The following ATR variants were observed in gnomAD, a reference collection of about 807,000 sequenced individuals.
ATR encodes the protein serine/threonine-protein kinase ATR.
In ATR, 142 loss-of-function variants were observed where a neutral mutation model predicts 305.3. The observed-to-expected ratio is 0.47, with a 90% CI of 0.41 to 0.53. ATR has a LOEUF of 0.53. ATR is among the 20% of genes least tolerant of loss of function. ATR has a pLI of 0.00. For synonymous variants in ATR, 1,050 were observed against 1,068.1 expected, an observed-to-expected ratio of 0.98 and a Z score of 0.33; for missense variants, 2,135 against 3,133.1, an observed-to-expected ratio of 0.68 and a Z score of 7.60.
intron 36 of ATR, among the ~76,000 whole-genome samples, chr3:142,477,549 TTC>T (rs1404593328): frequency 6.6e-6 from 1 of 152,192 alleles, no homozygotes; most frequent in Non-Finnish European, 1.5e-5. Flanking sequence ...TGGTTTAAAA[TTC>T]TCTTTTTTTG....
intron 46 of ATR, chr3:142,451,502 G>A: frequency 6.9e-7 from 1 of 1,448,234 alleles, no homozygotes; most frequent in South Asian, 1.2e-5. Context: ...ACACAGACTG[G>A]ACCCATAGAA....
intron 3 of ATR, among the ~76,000 whole-genome samples, chr3:142,563,940 G>A (rs930159679): frequency 9.2e-5 from 14 of 152,124 alleles, no homozygotes; most frequent in South Asian, 2.1e-4. Context: ...AGATCAAATC[G>A]TTAAAAGATG....
At chr3:142,545,137 G>C (rs2034217571) in intron 16 of ATR, among the ~76,000 whole-genome samples, 1 of 151,994 alleles carries the variant, frequency 6.6e-6, no homozygotes, top group African/African-American at 2.4e-5. Flanking sequence ...CCTATACTGG[G>C]TACAGGTGTA....
chr3:142,520,671 C>T (rs2033107942), intron 23 of ATR, among the ~76,000 whole-genome samples: 1 of 151,320 alleles, frequency 6.6e-6, no homozygotes, highest in Non-Finnish European at 1.5e-5. Context: ...GAATAAGTTG[C>T]AGAAAAAAAG....
At chr3:142,534,290 C>T (rs1000022835) in intron 21 of ATR, among the ~76,000 whole-genome samples, 2 of 152,202 alleles carry the variant, frequency 1.3e-5, no homozygotes, top group South Asian at 2.1e-4. Flanking sequence ...TTCAAGGCTC[C>T]TCCCCTCTGT....
intron 41 of ATR, among the ~76,000 whole-genome samples, chr3:142,463,254 G>T (rs567789575): frequency 6.6e-6 from 1 of 152,240 alleles, no homozygotes; most frequent in East Asian, 1.9e-4. Context: ...TAACAAAGCT[G>T]ATTAATGTAA....
At chr3:142,511,731 G>A (rs979903559) in intron 27 of ATR, among the ~76,000 whole-genome samples, 1 of 151,988 alleles carries the variant, frequency 6.6e-6, no homozygotes, top group African/African-American at 2.4e-5. Flanking sequence ...GTGCCTTGTC[G>A]AAGTGAGAGT....
At chr3:142,529,972 C>T (rs1407820545) in intron 21 of ATR, among the ~76,000 whole-genome samples, 1 of 151,996 alleles carries the variant, frequency 6.6e-6, no homozygotes, top group African/African-American at 2.4e-5. Context: ...TTCCAGAAAG[C>T]TTTCTTGGAT....
chr3:142,477,420 C>G (rs578198209), intron 36 of ATR, among the ~76,000 whole-genome samples: 1 of 152,146 alleles, frequency 6.6e-6, no homozygotes, highest in Non-Finnish European at 1.5e-5. Flanking sequence ...GTTGAACCAG[C>G]CTTACATCCC....
chr3:142,522,417 T>C (rs757271996), intron 23 of ATR, among the ~76,000 whole-genome samples: 1 of 152,168 alleles, frequency 6.6e-6, no homozygotes, highest in Non-Finnish European at 1.5e-5. Context: ...CAGAATTTTA[T>C]AGTTTTAGAG....
chr3:142,480,710 C>A (rs924131470), intron 36 of ATR, among the ~76,000 whole-genome samples: 12 of 152,210 alleles, frequency 7.9e-5, no homozygotes, highest in Non-Finnish European at 5.9e-5. Context: ...GCAGGCAGGC[C>A]TCCTTGAGCT....
chr3:142,547,703 C>T lies in ATR; in HGVS notation c.3357+22G>A, dbSNP rs1482825134. On this transcript the variant is annotated intron_variant, in intron 16 of 46. Coordinates refer to ENST00000350721, the MANE Select transcript of ATR (RefSeq NM_001184.4). Reference sequence around the variant, plus strand: ...AAAGGAAGAAAAACAAACAAAAAAACCTCATAGAACATATTCCTTACCATC... The same window carrying T: ...AAAGGAAGAAAAACAAACAAAAAAATCTCATAGAACATATTCCTTACCATC... The T allele has an allele frequency of 3.1e-6, 5 of 1,608,858 alleles. No homozygotes were observed. The East Asian group carries it at 8.9e-5, about 29-fold the overall frequency.
intron 35 of ATR, among the ~76,000 whole-genome samples, chr3:142,487,168 G>T (rs998198238): frequency 6.6e-6 from 1 of 151,992 alleles, no homozygotes; most frequent in Non-Finnish European, 1.5e-5. Flanking sequence ...ACAAGGTTTT[G>T]CCCTGTTGTC....
intron 13 of ATR, among the ~76,000 whole-genome samples, chr3:142,550,774 A>ACAT (rs1223296296): frequency 6.6e-6 from 1 of 152,122 alleles, no homozygotes; most frequent in Non-Finnish European, 1.5e-5. Context: ...TAAACAAAAT[A>ACAT]CATCGTTTTT....
intron 30 of ATR, 107 bp downstream of exon 30, chr3:142,503,255 A>T: frequency 1.2e-6 from 1 of 814,106 alleles, no homozygotes; most frequent in Non-Finnish European, 2.0e-6. Flanking sequence ...CCATGAAAAC[A>T]CATAAAACAT....
At chr3:142,464,501 T>C (rs1577504365) in intron 41 of ATR, among the ~76,000 whole-genome samples, 3 of 152,092 alleles carry the variant, frequency 2.0e-5, no homozygotes, top group South Asian at 2.1e-4. Flanking sequence ...ACTGGATAAA[T>C]AGATAAATAA....
chr3:142,507,836 A>G (rs1006725467), intron 28 of ATR, 95 bp downstream of exon 28: 37 of 1,174,284 alleles, frequency 3.2e-5, no homozygotes, highest in Non-Finnish European at 4.2e-5. Context: ...GCTTCTAAGC[A>G]TAGCATATAA....
Position 142,510,031 on chromosome 3 carries a change from G to A in ATR, c.4853-1922C>T, listed in dbSNP as rs201768346. On this transcript the variant is annotated intron_variant, in intron 27 of 46. Transcript: ENST00000350721. ...CTCAGGAGGCTGAGGCACAAGAATC[G>A]CTTAAGCCTGGGAGGTGGAGGTTGC... is the stretch of plus-strand genomic sequence containing the variant. Among the ~76,000 whole-genome samples the A allele has an allele frequency of 5.2e-4, 78 of 148,574 alleles. 2 individuals carry two copies. In the East Asian group the frequency reaches 9.1e-3, roughly 17 times the overall value.
chr3:142,450,742 G>C, intron 46 of ATR: 1 of 1,541,502 alleles, frequency 6.5e-7, no homozygotes, highest in South Asian at 1.2e-5. Context: ...GAAGGTGCTG[G>C]CAGGTCTTCA....
Sources: gnomAD v4.1 joint callset for allele counts (sites outside exome capture counted in the v4.1 genomes callset) on GRCh38, gnomAD v4.1.1 for gene constraint, MANE v1.5 for transcripts, NCBI Gene and HGNC (gene_info 2026-07-23, HGNC 2026-07-21) for gene names.